Variants in NTF3 observed in about 807,000 individuals in gnomAD.
NTF3 encodes the protein neurotrophin-3.
Under a neutral mutation model 26.3 loss-of-function variants are expected in NTF3, and 8 were observed. The ratio of observed to expected loss-of-function variants is 0.30; its 90% CI spans 0.18 to 0.55. The LOEUF (loss-of-function observed/expected upper bound fraction) is 0.55. Among genes scored for constraint, NTF3 ranks in the 20% least tolerant of loss-of-function variants. The pLI is 0.93. For missense variants in NTF3, 276 were observed against 352.9 expected (o/e 0.78, Z 1.75); for synonymous variants, 154 against 145.5 (o/e 1.06, Z -0.42).
chr12:5,459,632 C>T (rs942381375), intron 1 of NTF3, among the ~76,000 whole-genome samples: 1 of 152,124 alleles, frequency 6.6e-6, no homozygotes, highest in Non-Finnish European at 1.5e-5. Flanking sequence ...AGTTGCAATA[C>T]GAGAGAGAAA....
At chr12:5,490,937 G>A (rs762768312) in intron 1 of NTF3, among the ~76,000 whole-genome samples, 2 of 152,212 alleles carry the variant, frequency 1.3e-5, no homozygotes, top group South Asian at 2.1e-4. Flanking sequence ...ACCATCTCCC[G>A]TGGCCACAGG....
intron 1 of NTF3, among the ~76,000 whole-genome samples, chr12:5,486,853 G>A (rs2121246756): frequency 6.6e-6 from 1 of 151,784 alleles, no homozygotes; most frequent in East Asian, 1.9e-4. Flanking sequence ...TTCGACTAGA[G>A]CCCATCCTCA....
chr12:5,469,489 G>A (rs12370969), intron 1 of NTF3, among the ~76,000 whole-genome samples: 40,385 of 151,972 alleles, frequency 0.27, 6,686 homozygotes, highest in South Asian at 0.38. Context: ...TCATGGGGCC[G>A]GTGGACAGTC....
chr12:5,444,500 G>T (rs1236064324), intron 1 of NTF3, among the ~76,000 whole-genome samples: 2 of 152,190 alleles, frequency 1.3e-5, no homozygotes, highest in African/African-American at 4.8e-5. Context: ...AGGAGATGGG[G>T]TAGAGGAGAG....
Position 5,433,513 on chromosome 12 carries a change from T to A in NTF3, c.18+1171T>A, listed in dbSNP as rs1395744176. On this transcript the variant is annotated intron_variant, in intron 1 of 1. Transcript: ENST00000423158. This position sits in a 1 kb window ranked among gnomAD's most constrained non-coding sequence, Gnocchi z 4.6. The stretch of plus-strand genomic sequence containing the variant: ...TTCTGCTTGTTGCTCTCCGCGGGAG[T>A]GGGTGCGCGTCCAGGAGGCGCTGCT... Among the ~76,000 whole-genome samples the A allele has an allele frequency of 6.6e-6, 1 of 150,690 alleles. No homozygotes were observed. Among genetic ancestry groups the A allele is most frequent in the African/African-American group, 2.4e-5 (1 of 40,866 alleles).
At chr12:5,486,952 T>C (rs952812439) in intron 1 of NTF3, among the ~76,000 whole-genome samples, 4 of 151,912 alleles carry the variant, frequency 2.6e-5, no homozygotes, top group Non-Finnish European at 4.4e-5. Flanking sequence ...CACACATGTA[T>C]GCACAGTGGT....
chr12:5,449,318 G>A (rs1427182529), intron 1 of NTF3, among the ~76,000 whole-genome samples: 2 of 152,180 alleles, frequency 1.3e-5, no homozygotes, highest in African/African-American at 4.8e-5. Flanking sequence ...AGGACATCGA[G>A]GTTTTGGGAG....
At chr12:5,453,510 TG>T (rs1940400682) in intron 1 of NTF3, among the ~76,000 whole-genome samples, 1 of 152,234 alleles carries the variant, frequency 6.6e-6, no homozygotes. Flanking sequence ...TGGGAAGAAC[TG>T]GAACCTGGTC....
At chr12:5,468,341 TG>T (rs1169004669) in intron 1 of NTF3, among the ~76,000 whole-genome samples, 1 of 152,216 alleles carries the variant, frequency 6.6e-6, no homozygotes, top group East Asian at 1.9e-4. Flanking sequence ...TCACCTAAAC[TG>T]GATTCATTTT....
upstream of NTF3, among the ~76,000 whole-genome samples, chr12:5,431,205 G>T (rs1013469363): frequency 6.6e-6 from 1 of 152,140 alleles, no homozygotes; most frequent in African/African-American, 2.4e-5. Flanking sequence ...TTTGTTTGTT[G>T]CTCGCCTTTC....
chr12:5,434,002 C>T (rs1940135014), intron 1 of NTF3, among the ~76,000 whole-genome samples: 1 of 152,208 alleles, frequency 6.6e-6, no homozygotes, highest in South Asian at 2.1e-4. Flanking sequence ...ACGAGGAGAA[C>T]ATGGAAGCGC....
At chr12:5,486,639 G>A (rs762999890) in intron 1 of NTF3, among the ~76,000 whole-genome samples, 2 of 152,108 alleles carry the variant, frequency 1.3e-5, no homozygotes, top group African/African-American at 2.4e-5. Flanking sequence ...TATTATCTGA[G>A]GTCAAAGTTA....
At chr12:5,442,294 A>G (rs1314431067) in intron 1 of NTF3, among the ~76,000 whole-genome samples, 1 of 152,190 alleles carries the variant, frequency 6.6e-6, no homozygotes, top group Non-Finnish European at 1.5e-5. Flanking sequence ...CCGCTTCCAC[A>G]TGACAGTGGT....
chr12:5,442,718 T>G (rs182600548), intron 1 of NTF3, among the ~76,000 whole-genome samples: 32 of 152,278 alleles, frequency 2.1e-4, no homozygotes, highest in African/African-American at 7.2e-4. Flanking sequence ...AGTAATTTTT[T>G]TAGAATTTAG....
rs181662602 is a variant in NTF3, at chr12:5,437,646, C to T, written c.18+5304C>T. On this transcript the variant is annotated intron_variant, in intron 1 of 1. Coordinates refer to ENST00000423158, the MANE Select transcript of NTF3 (RefSeq NM_001102654.2). ...CCACCACCCTGCCTCAAGCCTCACC[C>T]GCGGCTGTTTTACTCTTTAACGAGG... Among the ~76,000 whole-genome samples the T allele has an allele frequency of 3.8e-3, 578 of 152,300 alleles. 4 individuals carry two copies. The highest frequency in any genetic ancestry group is 6.8e-3 in the Middle Eastern group (2 of 294).
At chr12:5,460,972 T>G (rs1375041650) in intron 1 of NTF3, among the ~76,000 whole-genome samples, 1 of 152,204 alleles carries the variant, frequency 6.6e-6, no homozygotes, top group East Asian at 1.9e-4. Context: ...TTCCTCCTGA[T>G]ACAGATCAGG....
rs79967102 is a variant in NTF3 at position 5,435,017 on chromosome 12, C to A, written c.18+2675C>A. On this transcript the variant is annotated intron_variant, in intron 1 of 1. Transcript: ENST00000423158. Reference sequence around the variant, plus strand: ...GGTTGGTGTTGGTGTTTGCCTCCCCCCTCCTTCCTCCCCAGAGAGAAGAGA... The same window carrying A: ...GGTTGGTGTTGGTGTTTGCCTCCCCACTCCTTCCTCCCCAGAGAGAAGAGA... Among the ~76,000 whole-genome samples, 6 of 152,198 alleles carry A rather than the reference C, an allele frequency of 3.9e-5. No homozygotes were observed. The East Asian group carries it at 7.7e-4, about 20-fold the overall frequency.
At chr12:5,469,082 T>C (rs551737775) in intron 1 of NTF3, among the ~76,000 whole-genome samples, 1 of 152,008 alleles carries the variant, frequency 6.6e-6, no homozygotes, top group South Asian at 2.1e-4. Context: ...GATTGTGCCA[T>C]TGAACTCCTG....
At chr12:5,458,523 GC>G (rs1188468114) in intron 1 of NTF3, among the ~76,000 whole-genome samples, 2 of 152,184 alleles carry the variant, frequency 1.3e-5, no homozygotes, top group Admixed American at 1.3e-4. Context: ...ATAATAAGCA[GC>G]CAATAAAAAG....
Sources: allele counts gnomAD v4.1 joint callset (sites outside exome capture counted in the v4.1 genomes callset), GRCh38; gene constraint gnomAD v4.1.1; non-coding constraint Gnocchi (gnomAD v3.1); transcripts MANE v1.5; gene names NCBI Gene and HGNC (gene_info 2026-07-23, HGNC 2026-07-21).